PPP1R16B: variants seen among roughly 807,000 people sequenced by gnomAD.
PPP1R16B encodes protein phosphatase 1 regulatory inhibitor subunit 16B.
In PPP1R16B, 14 loss-of-function variants were observed where a neutral mutation model predicts 61.7. The ratio of observed to expected loss-of-function variants is 0.23; its 90% CI spans 0.15 to 0.35. The LOEUF (loss-of-function observed/expected upper bound fraction) is 0.35. Ranked by LOEUF, PPP1R16B falls within the 10% of genes least tolerant of loss-of-function variation. The probability of loss-of-function intolerance (pLI) is 1.00; values close to 1 mark genes in which losing one functional copy is unlikely to be tolerated. For synonymous variants in PPP1R16B, 266 were observed against 305.3 expected (o/e 0.87, Z 1.34); for missense variants, 547 against 752.5 (o/e 0.73, Z 3.19).
chr20:38,845,880 G>A (rs529757566), intron 2 of PPP1R16B, among the ~76,000 whole-genome samples: 3 of 152,306 alleles, frequency 2.0e-5, no homozygotes, highest in East Asian at 1.9e-4. Context: ...ATCTATTTTC[G>A]CAGGGCTGTG....
chr20:38,900,545 A>T (rs1186976281), intron 4 of PPP1R16B, 36 bp from the exon 5 acceptor site: 19 of 1,563,294 alleles, frequency 1.2e-5, no homozygotes, highest in Non-Finnish European at 1.4e-5. Context: ...CCCTAGCCAC[A>T]CCTACTTGGC....
At position 38,918,134 on chromosome 20, in the gene PPP1R16B, A is replaced by C; in HGVS notation, c.1195-23A>C. 1 of 1,609,692 alleles carries C rather than the reference A, an allele frequency of 6.2e-7. No homozygotes were observed. The highest frequency in any genetic ancestry group is 8.5e-7 in the Non-Finnish European group (1 of 1,176,476). On this transcript the variant is annotated intron_variant, in intron 10 of 10. Coordinates refer to ENST00000299824, the MANE Select transcript of PPP1R16B (RefSeq NM_015568.4). The surrounding 1 kb of genome is among the most constrained non-coding windows in gnomAD (Gnocchi z 5.3). ...GGTTCAGATCTTCCAGCCAGCTGGT[A>C]ATGTTGTCCTTCTCACTCGCAGAAC...
intron 2 of PPP1R16B, among the ~76,000 whole-genome samples, chr20:38,875,970 C>CTTTT (rs34445273): frequency 1.4e-4 from 15 of 104,154 alleles, no homozygotes; most frequent in Non-Finnish European, 1.8e-4. Context: ...TGGTTTTGAA[C>CTTTT]TTTTTTTTTT....
At chr20:38,865,212 T>C (rs2085081790) in intron 2 of PPP1R16B, among the ~76,000 whole-genome samples, 1 of 151,842 alleles carries the variant, frequency 6.6e-6, no homozygotes, top group Admixed American at 6.5e-5. Context: ...TTGGGCCCAT[T>C]GGTCAGTGTC....
intron 1 of PPP1R16B, among the ~76,000 whole-genome samples, chr20:38,811,583 A>G (rs76452239): frequency 0.046 from 6,983 of 152,312 alleles, 177 homozygotes; most frequent in Non-Finnish European, 0.06. Flanking sequence ...TGCAGTACTT[A>G]TAATTGTGAT....
At chr20:38,815,307 C>A (rs2084728303) in intron 1 of PPP1R16B, among the ~76,000 whole-genome samples, 1 of 152,086 alleles carries the variant, frequency 6.6e-6, no homozygotes, top group African/African-American at 2.4e-5. Flanking sequence ...TCTTCTTTTT[C>A]AGCTAATTTA....
At chr20:38,816,888 C>CCCTCCT (rs754940782) in intron 1 of PPP1R16B, among the ~76,000 whole-genome samples, 1 of 152,190 alleles carries the variant, frequency 6.6e-6, no homozygotes, top group South Asian at 2.1e-4. Context: ...CCAGGGCCCA[C>CCCTCCT]CCTCCTCCTC....
At chr20:38,879,825 G>A (rs2085192419) in intron 2 of PPP1R16B, among the ~76,000 whole-genome samples, 2 of 152,332 alleles carry the variant, frequency 1.3e-5, no homozygotes, top group South Asian at 2.1e-4. Context: ...AAGGGAGCAG[G>A]TTTATAGCTA....
Position 38,907,050 on chromosome 20 carries a change from A to G in PPP1R16B, c.894A>G (p.Pro298=). The change falls in exon 8 of 11, where the codon CCA becomes CCG. Residue 298 remains proline, a synonymous_variant. Transcript: ENST00000299824. This position sits in a 1 kb window ranked among gnomAD's most constrained non-coding sequence, Gnocchi z 4.5. ...CAAGGACATCCATGGATGAGATGCCAATAGGTAAGTCCAGCACAATAGCTG... is the reference window on the plus strand; with the variant it reads ...CAAGGACATCCATGGATGAGATGCCGATAGGTAAGTCCAGCACAATAGCTG... ...LSARTSMDEM[P]IDLCEEEEFK... 6.2e-7 allele frequency: 1 copy of G among 1,612,886 alleles called. No homozygotes were observed.
intron 2 of PPP1R16B, among the ~76,000 whole-genome samples, chr20:38,867,311 G>A (rs959198601): frequency 6.6e-6 from 1 of 152,194 alleles, no homozygotes; most frequent in Non-Finnish European, 1.5e-5. Context: ...GATTCTGGGG[G>A]ATGGGGATAG....
chr20:38,853,024 G>A (rs183246478), intron 2 of PPP1R16B, among the ~76,000 whole-genome samples: 3 of 151,928 alleles, frequency 2.0e-5, no homozygotes, highest in Admixed American at 6.6e-5. Context: ...CATTCCCCTC[G>A]GTCTCCCAAA....
At chr20:38,861,821 A>G (rs1457141412) in intron 2 of PPP1R16B, among the ~76,000 whole-genome samples, 1 of 151,064 alleles carries the variant, frequency 6.6e-6, no homozygotes, top group Non-Finnish European at 1.5e-5. Flanking sequence ...GGATTACAGG[A>G]GCCTGCCACC....
At chr20:38,839,901 G>T (rs184907616) in intron 2 of PPP1R16B, among the ~76,000 whole-genome samples, 1 of 152,176 alleles carries the variant, frequency 6.6e-6, no homozygotes, top group Non-Finnish European at 1.5e-5. Context: ...AATGTTTATC[G>T]AGGACAGATG....
At chr20:38,818,020 G>A (rs1488556159) in intron 1 of PPP1R16B, among the ~76,000 whole-genome samples, 1 of 152,242 alleles carries the variant, frequency 6.6e-6, no homozygotes, top group Non-Finnish European at 1.5e-5. Context: ...CTCCAGCCTG[G>A]GCGACAGAGC....
At chr20:38,865,072 C>T (rs541346346) in intron 2 of PPP1R16B, among the ~76,000 whole-genome samples, 3 of 152,216 alleles carry the variant, frequency 2.0e-5, no homozygotes, top group South Asian at 4.2e-4. Flanking sequence ...TTCAGAATGG[C>T]CCGAGTTTCT....
At chr20:38,865,995 G>C (rs2085087828) in intron 2 of PPP1R16B, among the ~76,000 whole-genome samples, 1 of 152,146 alleles carries the variant, frequency 6.6e-6, no homozygotes, top group African/African-American at 2.4e-5. Context: ...ATGGTGGCGT[G>C]TGCCAGTAAT....
chr20:38,831,123 C>T lies in PPP1R16B; in HGVS notation c.-101-4702C>T, dbSNP rs1043501038. Among the ~76,000 whole-genome samples, 7 of 152,330 alleles carry T rather than the reference C, an allele frequency of 4.6e-5. No homozygotes were observed. In the East Asian group the frequency reaches 5.8e-4, roughly 13 times the overall value. On this transcript the variant is annotated intron_variant, in intron 1 of 10. Coordinates refer to ENST00000299824, the MANE Select transcript of PPP1R16B (RefSeq NM_015568.4). ...AGCCATTGACCACGAGCACCTTTGT[C>T]GAATTGCTTGTTGGACAGCTCTAGA...
intron 2 of PPP1R16B, among the ~76,000 whole-genome samples, chr20:38,870,055 C>T (rs995278376): frequency 6.6e-6 from 1 of 152,092 alleles, no homozygotes; most frequent in Non-Finnish European, 1.5e-5. Context: ...TCCTGAGTAG[C>T]TGGGATTACA....
chr20:38,895,924 C>T (rs138942789), intron 4 of PPP1R16B, among the ~76,000 whole-genome samples: 2,544 of 55,314 alleles, frequency 0.046, 226 homozygotes, highest in East Asian at 0.065. Flanking sequence ...TTCCCTCCCT[C>T]CCTCCTTCCT....
Sources: gnomAD v4.1 joint callset for allele counts (sites outside exome capture counted in the v4.1 genomes callset) on GRCh38, gnomAD v4.1.1 for gene constraint, Gnocchi (gnomAD v3.1) non-coding constraint, MANE v1.5 for transcripts, NCBI Gene and HGNC (gene_info 2026-07-23, HGNC 2026-07-21) for gene names.